The following TMPRSS9 variants were observed in gnomAD, a reference collection of about 807,000 sequenced individuals.
TMPRSS9 encodes transmembrane protease serine 9.
Under a neutral mutation model 111.4 loss-of-function variants are expected in TMPRSS9, and 113 were observed. That is an observed-to-expected ratio of 1.01 (90% CI 0.87 to 1.19). The LOEUF (loss-of-function observed/expected upper bound fraction) is 1.19. Ranked by LOEUF, TMPRSS9 falls within the 50% of genes most tolerant of loss-of-function variation. The pLI is 0.00. For synonymous variants in TMPRSS9, 805 were observed against 659.1 expected (o/e 1.22, Z -3.39); for missense variants, 1,803 against 1,513.1 (o/e 1.19, Z -3.18).
intron 1 of TMPRSS9, among the ~76,000 whole-genome samples, chr19:2,393,517 A>T (rs752150604): frequency 2.6e-5 from 4 of 152,190 alleles, no homozygotes; most frequent in Admixed American, 2.6e-4. Flanking sequence ...GAGGATCCGC[A>T]GCTTCATTCT....
intron 1 of TMPRSS9, among the ~76,000 whole-genome samples, chr19:2,393,178 T>C (rs780680317): frequency 6.6e-6 from 1 of 151,996 alleles, no homozygotes; most frequent in Admixed American, 6.6e-5. Context: ...CTTTTCACAG[T>C]GTAGAGGATT....
chr19:2,364,322 T>C (rs1368380870), intron 1 of TMPRSS9, among the ~76,000 whole-genome samples: 3 of 152,234 alleles, frequency 2.0e-5, no homozygotes, highest in Non-Finnish European at 2.9e-5. Context: ...CAGGCTGTTC[T>C]AAGCCATTGA....
In TMPRSS9 at chr19:2,377,495, C is replaced by CCTCTCCG. The variant is rs1264960383; in HGVS notation, c.-25-12260_-25-12259insGCTCTCC. 7.3e-3 allele frequency among the ~76,000 whole-genome samples: 282 copies of CCTCTCCG among 38,784 alleles called. 9 individuals are homozygous for CCTCTCCG. The highest frequency in any genetic ancestry group is 8.7e-3 in the Non-Finnish European group (190 of 21,870). 25.4% of individuals were successfully genotyped at this position (38,784 alleles called of 152,430 possible). A position where few individuals can be genotyped will look rare whatever the true frequency, so the allele number is the denominator to read the frequency against. ...TCCCCTCTCCTCTCTCCCCCCCACC[C>CCTCTCCG]CTCTCCCCTTCCCCCTCCCCTCACC... On this transcript the variant is annotated intron_variant, in intron 1 of 17. Transcript: ENST00000649857.
upstream of TMPRSS9, among the ~76,000 whole-genome samples, chr19:2,389,287 C>A (rs190127689): frequency 5.3e-3 from 808 of 151,296 alleles, 8 homozygotes; most frequent in African/African-American, 0.014. Context: ...GTTGGCCAGG[C>A]TGGTCTCAAA....
upstream of TMPRSS9, among the ~76,000 whole-genome samples, chr19:2,385,922 C>T (rs1440535214): frequency 6.6e-6 from 1 of 152,032 alleles, no homozygotes; most frequent in Non-Finnish European, 1.5e-5. Context: ...AGAGCCAGAT[C>T]TGGTCTGCAG....
intron 13 of TMPRSS9, among the ~76,000 whole-genome samples, chr19:2,418,405 CT>C (rs1971334298): frequency 2.8e-5 from 1 of 36,012 alleles, no homozygotes; most frequent in Non-Finnish European, 5.3e-5. Flanking sequence ...CTGGCCTTTC[CT>C]TCCATTCCTT....
intron 1 of TMPRSS9, among the ~76,000 whole-genome samples, chr19:2,369,261 A>AC (rs1368260889): frequency 7.1e-6 from 1 of 141,196 alleles, no homozygotes; most frequent in Admixed American, 7.2e-5. Flanking sequence ...AGGTTTTAAA[A>AC]AAAATTTTTT....
At chr19:2,382,777 A>ACATC (rs1970402246) in intron 1 of TMPRSS9, among the ~76,000 whole-genome samples, 1 of 152,152 alleles carries the variant, frequency 6.6e-6, no homozygotes, top group Admixed American at 6.6e-5. Context: ...ACACACGCAC[A>ACATC]CACAGATGCA....
chr19:2,370,855 G>A (rs1017764391), intron 1 of TMPRSS9, among the ~76,000 whole-genome samples: 1 of 151,634 alleles, frequency 6.6e-6, no homozygotes, highest in Non-Finnish European at 1.5e-5. Context: ...CCATCTACTC[G>A]GGAGGCTGAG....
intron 17 of TMPRSS9, 138 bp downstream of exon 18, chr19:2,425,631 TGGCTCTGGA>T: frequency 7.3e-7 from 1 of 1,370,574 alleles, no homozygotes; most frequent in Non-Finnish European, 9.4e-7. Flanking sequence ...GGAGCCTTTT[TGGCTCTGGA>T]GGAATTTCCA....
chr19:2,374,468 G>A (rs1487584157), intron 1 of TMPRSS9, among the ~76,000 whole-genome samples: 1 of 151,660 alleles, frequency 6.6e-6, no homozygotes, highest in Non-Finnish European at 1.5e-5. Context: ...CAGCTACTTG[G>A]GAGACTGAGG....
chr19:2,386,992 G>C (rs1242535259), upstream of TMPRSS9, among the ~76,000 whole-genome samples: 3 of 152,082 alleles, frequency 2.0e-5, no homozygotes, highest in Non-Finnish European at 4.4e-5. Flanking sequence ...AGGCTGAGGA[G>C]GGAAGGTTGC....
chr19:2,425,064 G>C (rs780548031), exon 16 of TMPRSS9: 1 of 1,570,864 alleles, frequency 6.4e-7, no homozygotes, highest in East Asian at 2.3e-5. Flanking sequence ...GGCGCGGAGG[G>C]GCAGCTGGAG....
chr19:2,382,748 T>A (rs1970401659), intron 1 of TMPRSS9, among the ~76,000 whole-genome samples: 1 of 149,878 alleles, frequency 6.7e-6, no homozygotes, highest in Non-Finnish European at 1.5e-5. Flanking sequence ...AACGCACACA[T>A]CCACACATAC....
intron 7 of TMPRSS9, among the ~76,000 whole-genome samples, chr19:2,407,783 A>AAT (rs1555679350): frequency 5.5e-5 from 8 of 144,312 alleles, no homozygotes; most frequent in African/African-American, 1.3e-4. Context: ...ACACCCCGCT[A>AAT]ATATATATAT....
At chr19:2,388,361 G>A (rs1281218887), upstream of TMPRSS9, among the ~76,000 whole-genome samples, 1 of 152,070 alleles carries the variant, frequency 6.6e-6, no homozygotes, top group African/African-American at 2.4e-5. Flanking sequence ...ACTCCAGCCT[G>A]GGCAACAGAG....
chr19:2,394,918 A>C (rs1450235263), intron 1 of TMPRSS9, among the ~76,000 whole-genome samples: 1 of 152,166 alleles, frequency 6.6e-6, no homozygotes, highest in African/African-American at 2.4e-5. Context: ...GCATCAGCAT[A>C]GGAATTTTTT....
chr19:2,416,287 C>T (rs1375471862), intron 11 of TMPRSS9: 2 of 541,492 alleles, frequency 3.7e-6, no homozygotes, highest in South Asian at 2.9e-5. Context: ...GGGGCATTGG[C>T]ACAGGTGTAG....
At chr19:2,390,686 C>A (rs181347364) in intron 1 of TMPRSS9, among the ~76,000 whole-genome samples, 3 of 151,336 alleles carry the variant, frequency 2.0e-5, no homozygotes, top group Non-Finnish European at 4.4e-5. Context: ...TAAAGCCCTG[C>A]CTCTACAGAA....
Sources: gnomAD v4.1 joint callset for allele counts (sites outside exome capture counted in the v4.1 genomes callset) on GRCh38, gnomAD v4.1.1 for gene constraint, MANE v1.5 for transcripts, NCBI Gene and HGNC (gene_info 2026-07-23, HGNC 2026-07-21) for gene names.